The following ZNF385C variants were observed in gnomAD, a reference collection of about 807,000 sequenced individuals.
ZNF385C encodes the protein CTD-2132N18.2.
In ZNF385C, 28 loss-of-function variants were observed where a neutral mutation model predicts 35.4. The observed-to-expected ratio is 0.79, with a 90% CI of 0.59 to 1.08. The LOEUF (loss-of-function observed/expected upper bound fraction) is 1.08, where lower values mean the gene tolerates loss of function less well. ZNF385C is among the 50% of genes least tolerant of loss of function. The pLI is 0.00. For missense variants in ZNF385C, 605 were observed against 595.6 expected, an observed-to-expected ratio of 1.02 and a Z score of -0.16; for synonymous variants, 248 against 248.2, an observed-to-expected ratio of 1.00 and a Z score of 0.01.
intron 1 of ZNF385C, among the ~76,000 whole-genome samples, chr17:42,081,623 G>A (rs1027783244): frequency 2.0e-5 from 3 of 151,978 alleles, no homozygotes; most frequent in South Asian, 2.1e-4. Context: ...TGACCTGCTC[G>A]CCTCAGCCTT....
At chr17:42,027,944 G>C in intron 7 of ZNF385C, 106 bp downstream of exon 7, 1 of 1,423,992 alleles carries the variant, frequency 7.0e-7, no homozygotes, top group East Asian at 2.3e-5. Context: ...TCTCCAGCCT[G>C]CTCTGCTGTG....
chr17:42,039,842 C>T (rs2052964809), intron 2 of ZNF385C: 7 of 1,231,740 alleles, frequency 5.7e-6, no homozygotes, highest in Non-Finnish European at 7.1e-6. Flanking sequence ...CCTTCCCCGG[C>T]CCCACTCTGC....
At chr17:42,052,835 G>A (rs1387805160) in intron 2 of ZNF385C, among the ~76,000 whole-genome samples, 2 of 151,946 alleles carry the variant, frequency 1.3e-5, no homozygotes, top group Non-Finnish European at 1.5e-5. Flanking sequence ...TCCAAACAGA[G>A]TCTCTCTCCC....
chr17:42,071,978 C>T (rs973181811), intron 1 of ZNF385C, among the ~76,000 whole-genome samples: 5 of 152,212 alleles, frequency 3.3e-5, no homozygotes, highest in Non-Finnish European at 7.3e-5. Context: ...CCAGGGGCCC[C>T]CCCATGCCCC....
chr17:42,067,081 A>AAG (rs1555658498), intron 1 of ZNF385C, among the ~76,000 whole-genome samples: 2 of 151,652 alleles, frequency 1.3e-5, no homozygotes, highest in Admixed American at 6.6e-5. Context: ...AAAAAAAAAA[A>AAG]AGAGAGAGAG....
intron 1 of ZNF385C, 128 bp from the exon 2 acceptor site, chr17:42,063,186 C>T (rs1048771744): frequency 1.5e-5 from 7 of 473,496 alleles, no homozygotes; most frequent in South Asian, 3.8e-5. Flanking sequence ...TGCCCCAGCC[C>T]GAGGATGGTG....
At chr17:42,093,332 G>C (rs1161563143) in intron 1 of ZNF385C, among the ~76,000 whole-genome samples, 1 of 152,184 alleles carries the variant, frequency 6.6e-6, no homozygotes, top group African/African-American at 2.4e-5. Flanking sequence ...TTCTGAGGGA[G>C]ACTCCAAGTC....
chr17:42,040,892 C>T, intron 2 of ZNF385C: 1 of 1,232,272 alleles, frequency 8.1e-7, no homozygotes. Context: ...TGTGGGCCCA[C>T]ACTCCCCAGG....
In ZNF385C at chr17:42,079,803, G is replaced by C. The variant is rs1239105198; in HGVS notation, c.-2-16745C>G. Among the ~76,000 whole-genome samples, 3 of 152,078 alleles carry C rather than the reference G, an allele frequency of 2.0e-5. No homozygotes were observed. The East Asian group carries it at 5.8e-4, about 29-fold the overall frequency. ...ATAGAAAGAACTTCCTCACAGCCTT[G>C]CGTTGGAAACTAATGGAGCAAAAAA... On this transcript the variant is annotated intron_variant, in intron 1 of 8. Transcript: ENST00000692273.
At chr17:42,041,013 C>T (rs2053006131) in intron 2 of ZNF385C, 1 of 1,232,314 alleles carries the variant, frequency 8.1e-7, no homozygotes, top group Non-Finnish European at 1.0e-6. Flanking sequence ...CCTGTAGCTC[C>T]ACACTGCCCA....
chr17:42,083,707 CTTTTTTTTTTTT>C (rs59612634), intron 1 of ZNF385C, among the ~76,000 whole-genome samples: 16 of 49,968 alleles, frequency 3.2e-4, no homozygotes, highest in Admixed American at 8.2e-4. Flanking sequence ...CTTTTCAAGT[CTTTTTTTTTTTT>C]TTTTTTTTTT....
At chr17:42,097,295 C>T (rs952297796) in intron 1 of ZNF385C, among the ~76,000 whole-genome samples, 2 of 152,160 alleles carry the variant, frequency 1.3e-5, no homozygotes, top group Non-Finnish European at 2.9e-5. Flanking sequence ...CCCACTCTTT[C>T]CACTAGAGCA....
At chr17:42,074,830 C>G (rs1046178326) in intron 1 of ZNF385C, among the ~76,000 whole-genome samples, 32 of 152,238 alleles carry the variant, frequency 2.1e-4, no homozygotes, top group Admixed American at 2.1e-3. Context: ...CTGTGGCTGT[C>G]CACGGAGAAT....
chr17:42,042,968 A>G (rs140221462), intron 2 of ZNF385C: 4 of 1,232,384 alleles, frequency 3.2e-6, no homozygotes, highest in Non-Finnish European at 4.0e-6. Flanking sequence ...TTTGCCATGC[A>G]GTACACAGTA....
intron 1 of ZNF385C, among the ~76,000 whole-genome samples, chr17:42,067,270 C>T (rs1555658506): frequency 6.6e-6 from 1 of 152,130 alleles, no homozygotes; most frequent in East Asian, 1.9e-4. Flanking sequence ...CTTTTAGGAT[C>T]CAGAACTGAG....
chr17:42,077,770 C>G (rs557130521), intron 1 of ZNF385C, among the ~76,000 whole-genome samples: 3 of 152,110 alleles, frequency 2.0e-5, no homozygotes, highest in Non-Finnish European at 4.4e-5. Flanking sequence ...GGAGAGGCCC[C>G]AACAGTGGGT....
chr17:42,031,002 G>A (rs2052714807), intron 5 of ZNF385C, among the ~76,000 whole-genome samples: 1 of 129,606 alleles, frequency 7.7e-6, no homozygotes, highest in African/African-American at 2.8e-5. Flanking sequence ...AGAGCTGTGT[G>A]AAAATAAATT....
chr17:42,055,367 T>C (rs1047229854), intron 2 of ZNF385C, among the ~76,000 whole-genome samples: 1 of 151,496 alleles, frequency 6.6e-6, no homozygotes, highest in African/African-American at 2.4e-5. Flanking sequence ...CCTAATTCTG[T>C]ACCCAGACAG....
intron 8 of ZNF385C, 81 bp downstream of exon 8, chr17:42,027,537 C>A (rs527271190): frequency 7.4e-6 from 9 of 1,208,694 alleles, no homozygotes; most frequent in Non-Finnish European, 6.8e-6. Context: ...CCTGCCCCAC[C>A]GCAGCCCCCC....
Sources: allele counts gnomAD v4.1 joint callset (sites outside exome capture counted in the v4.1 genomes callset), GRCh38; gene constraint gnomAD v4.1.1; transcripts MANE v1.5; gene names NCBI Gene and HGNC (gene_info 2026-07-23, HGNC 2026-07-21).